COMMD1: variants seen among roughly 807,000 people sequenced by gnomAD.
The protein encoded by COMMD1 is COMM domain-containing protein 1.
In COMMD1, 10 loss-of-function variants were observed where a neutral mutation model predicts 17.2. That is an observed-to-expected ratio of 0.58 (90% CI 0.36 to 0.99). The LOEUF (loss-of-function observed/expected upper bound fraction) is 0.99. Among genes scored for constraint, COMMD1 ranks in the 50% least tolerant of loss-of-function variants. The pLI is 0.01. For synonymous variants in COMMD1, 97 were observed against 91.6 expected (o/e 1.06, Z -0.34); for missense variants, 270 against 231.8 (o/e 1.17, Z -1.07).
chr2:61,982,951 T>C (rs764758087), intron 1 of COMMD1, among the ~76,000 whole-genome samples: 93 of 152,268 alleles, frequency 6.1e-4, no homozygotes, highest in Non-Finnish European at 8.5e-4. Context: ...TGCATTAATG[T>C]TCATCAGAGA....
chr2:62,024,425 A>AAT (rs984272336), intron 2 of COMMD1, among the ~76,000 whole-genome samples: 5 of 152,174 alleles, frequency 3.3e-5, no homozygotes, highest in African/African-American at 1.2e-4. Context: ...ATTCCATTAT[A>AAT]ATATATGTGA....
chr2:62,055,540 A>G (rs142144296), intron 2 of COMMD1: 100 of 448,248 alleles, frequency 2.2e-4, no homozygotes, highest in South Asian at 1.3e-3. Flanking sequence ...GCTTTGCCAC[A>G]TGGAGACCAA....
chr2:62,043,139 GC>G (rs1670286303), intron 2 of COMMD1, among the ~76,000 whole-genome samples: 1 of 152,180 alleles, frequency 6.6e-6, no homozygotes, highest in Non-Finnish European at 1.5e-5. Flanking sequence ...GGAAATACCA[GC>G]TAAGCCAGTG....
chr2:62,059,792 G>GTGC (rs1399473288), intron 2 of COMMD1, among the ~76,000 whole-genome samples: 38 of 152,124 alleles, frequency 2.5e-4, no homozygotes, highest in Admixed American at 2.3e-3. Context: ...TGTATTTGAA[G>GTGC]TGCATCTATT....
At chr2:62,072,348 T>C (rs1671219668) in intron 2 of COMMD1, among the ~76,000 whole-genome samples, 1 of 152,026 alleles carries the variant, frequency 6.6e-6, no homozygotes, top group African/African-American at 2.4e-5. Flanking sequence ...GGCCCACCCA[T>C]GGACCAATCA....
chr2:62,056,551 G>C (rs146353759), intron 2 of COMMD1, among the ~76,000 whole-genome samples: 191 of 152,334 alleles, frequency 1.3e-3, no homozygotes, highest in African/African-American at 4.4e-3. Context: ...TAAGTCGGCA[G>C]ATAAAGTGGC....
intron 1 of COMMD1, among the ~76,000 whole-genome samples, chr2:61,951,792 G>C (rs1255211641): frequency 6.6e-6 from 1 of 152,094 alleles, no homozygotes; most frequent in Non-Finnish European, 1.5e-5. Flanking sequence ...TTTCGCCCTT[G>C]ATTCTCCCCA....
At chr2:62,001,016 A>G (rs1454572546) in intron 2 of COMMD1, 34 bp downstream of exon 2, 1 of 1,595,892 alleles carries the variant, frequency 6.3e-7, no homozygotes, top group South Asian at 1.1e-5. Flanking sequence ...TCCTTTGTAA[A>G]CTGTATTTTT....
intron 2 of COMMD1, 133 bp downstream of exon 2, chr2:62,001,115 G>A: frequency 1.1e-6 from 1 of 924,278 alleles, no homozygotes; most frequent in Non-Finnish European, 1.7e-6. Context: ...TTTTTCAGAG[G>A]TAGAATCATC....
chr2:61,935,035 G>A (rs533651116), intron 1 of COMMD1, among the ~76,000 whole-genome samples: 11 of 152,200 alleles, frequency 7.2e-5, no homozygotes, highest in Non-Finnish European at 1.3e-4. Context: ...TGAACTTCCC[G>A]AGTGGCCATA....
At chr2:62,101,574 C>T (rs1672178193) in intron 2 of COMMD1, among the ~76,000 whole-genome samples, 5 of 152,082 alleles carry the variant, frequency 3.3e-5, no homozygotes, top group Admixed American at 2.6e-4. Context: ...TGCACCACTG[C>T]ACTCCACCCT....
intron 1 of COMMD1, among the ~76,000 whole-genome samples, chr2:61,973,953 A>C (rs538093849): frequency 6.6e-6 from 1 of 152,238 alleles, no homozygotes; most frequent in African/African-American, 2.4e-5. Context: ...TCAAGTAAGT[A>C]CTCTTCTGAT....
chr2:61,948,340 C>CA (rs1443283274), intron 1 of COMMD1, among the ~76,000 whole-genome samples: 1 of 152,102 alleles, frequency 6.6e-6, no homozygotes, highest in Non-Finnish European at 1.5e-5. Context: ...TCCAAAAACA[C>CA]ATACATTTAA....
intron 1 of COMMD1, among the ~76,000 whole-genome samples, chr2:61,968,318 G>T (rs1671559055): frequency 6.6e-6 from 1 of 152,152 alleles, no homozygotes; most frequent in Non-Finnish European, 1.5e-5. Context: ...TCAACCTACA[G>T]ATATAGCAAT....
At chr2:62,111,771 C>T (rs1190434732) in intron 2 of COMMD1, among the ~76,000 whole-genome samples, 1 of 152,166 alleles carries the variant, frequency 6.6e-6, no homozygotes, top group Non-Finnish European at 1.5e-5. Flanking sequence ...GTTCAAAGTA[C>T]TCACCATGCC....
In COMMD1 at chr2:62,000,871, C is replaced by G. The variant is rs150966526; in HGVS notation, c.351C>G (p.Ser117Arg). ...TCATGAACCAGAGCCGCTGGAATAG[C>G]GGGCTTCGGGGCCTGAGCTGGAGAG... is the stretch of plus-strand genomic sequence containing the variant. ...ESLMNQSRWN[S>R]GLRGLSWRVD... The change falls in exon 2 of 3, where the codon AGC becomes AGG. Residue 117 changes from serine to arginine, a missense_variant. Coordinates refer to ENST00000311832, the MANE Select transcript of COMMD1 (RefSeq NM_152516.4). The G allele has an allele frequency of 2.5e-6, 4 of 1,614,160 alleles. No homozygotes were observed. The highest frequency in any genetic ancestry group is 3.4e-6 in the Non-Finnish European group (4 of 1,180,020).
At chr2:61,932,584 TA>T (rs1670497973) in intron 1 of COMMD1, among the ~76,000 whole-genome samples, 1 of 152,234 alleles carries the variant, frequency 6.6e-6, no homozygotes, top group Admixed American at 6.5e-5. Context: ...GTTGGAAACT[TA>T]ATCCCCAGAT....
At chr2:61,989,261 A>C (rs1672182965) in intron 1 of COMMD1, among the ~76,000 whole-genome samples, 1 of 152,160 alleles carries the variant, frequency 6.6e-6, no homozygotes, top group African/African-American at 2.4e-5. Context: ...GGATGAACCA[A>C]AATTGGCACA....
chr2:61,907,352 G>C (rs913592388), intron 1 of COMMD1, among the ~76,000 whole-genome samples: 3 of 152,204 alleles, frequency 2.0e-5, no homozygotes, highest in African/African-American at 7.2e-5. Flanking sequence ...TTATCCGCCT[G>C]CCTCGGCCTC....
Sources: gnomAD v4.1 joint callset for allele counts (sites outside exome capture counted in the v4.1 genomes callset) on GRCh38, gnomAD v4.1.1 for gene constraint, MANE v1.5 for transcripts, NCBI Gene and HGNC (gene_info 2026-07-23, HGNC 2026-07-21) for gene names.